AGBL4: variants seen among roughly 807,000 people sequenced by gnomAD.
The protein encoded by AGBL4 is AGBL carboxypeptidase 4.
AGBL4 carries 58 observed loss-of-function variants against 66.4 expected under a neutral mutation model. The observed-to-expected ratio is 0.87, with a 90% CI of 0.71 to 1.09. AGBL4 has a LOEUF of 1.09. Ranked by LOEUF, AGBL4 falls within the 50% of genes least tolerant of loss-of-function variation. The pLI, the probability that AGBL4 is intolerant of heterozygous loss-of-function variation, is 0.00. For synonymous variants in AGBL4, 234 were observed against 222.9 expected, an observed-to-expected ratio of 1.05 and a Z score of -0.44; for missense variants, 579 against 631.0, an observed-to-expected ratio of 0.92 and a Z score of 0.88.
At chr1:48,840,377 C>G (rs1558032039) in intron 6 of AGBL4, among the ~76,000 whole-genome samples, 1 of 152,074 alleles carries the variant, frequency 6.6e-6, no homozygotes, top group Non-Finnish European at 1.5e-5. Flanking sequence ...ATTCTCCTGG[C>G]CTCAGTTTTC....
At chr1:49,456,162 T>C (rs1375411035) in intron 3 of AGBL4, among the ~76,000 whole-genome samples, 1 of 151,710 alleles carries the variant, frequency 6.6e-6, no homozygotes, top group East Asian at 1.9e-4. Flanking sequence ...AAGTCTTTAA[T>C]TTGGAAGTCA....
chr1:49,134,975 T>C (rs902674683), intron 4 of AGBL4, among the ~76,000 whole-genome samples: 9 of 151,978 alleles, frequency 5.9e-5, no homozygotes, highest in African/African-American at 1.9e-4. Context: ...TGCATACATA[T>C]ATACATATGA....
chr1:49,567,019 C>T (rs1416454767), intron 3 of AGBL4, among the ~76,000 whole-genome samples: 3 of 152,224 alleles, frequency 2.0e-5, no homozygotes, highest in Admixed American at 1.3e-4. Flanking sequence ...CCTCCCCCAG[C>T]CTCACTGCCA....
At chr1:48,612,312 C>T (rs1645251027) in intron 9 of AGBL4, among the ~76,000 whole-genome samples, 1 of 152,182 alleles carries the variant, frequency 6.6e-6, no homozygotes, top group African/African-American at 2.4e-5. Context: ...AGGATACAGG[C>T]AGAAATCAAA....
intron 6 of AGBL4, among the ~76,000 whole-genome samples, chr1:48,741,424 T>A (rs921849012): frequency 6.6e-6 from 1 of 152,162 alleles, no homozygotes; most frequent in Non-Finnish European, 1.5e-5. Flanking sequence ...ACTTCCAACT[T>A]GTCATGCCAC....
chr1:48,851,832 T>C (rs1173600756), intron 6 of AGBL4, among the ~76,000 whole-genome samples: 2 of 151,866 alleles, frequency 1.3e-5, no homozygotes, highest in African/African-American at 4.8e-5. Context: ...CAGGAGGAAA[T>C]TGCATGGCAA....
chr1:49,783,676 T>C (rs1285745330), intron 2 of AGBL4, among the ~76,000 whole-genome samples: 1 of 151,926 alleles, frequency 6.6e-6, no homozygotes, highest in Admixed American at 6.6e-5. Context: ...AATAAAGAAA[T>C]AAAAGGCATT....
intron 3 of AGBL4, among the ~76,000 whole-genome samples, chr1:49,479,605 C>T (rs1317906721): frequency 1.3e-5 from 2 of 151,914 alleles, no homozygotes; most frequent in Admixed American, 1.3e-4. Flanking sequence ...CGGTGTCCAG[C>T]CCCATCCATG....
rs527902533 is a variant in AGBL4 at position 49,573,200 on chromosome 1, T to A, written c.282+124113A>T. Among the ~76,000 whole-genome samples the A allele has an allele frequency of 5.5e-5, 8 of 146,088 alleles. No homozygotes were observed. In the South Asian group the frequency reaches 1.8e-3, roughly 33 times the overall value. On this transcript the variant is annotated intron_variant, in intron 3 of 13. Coordinates refer to ENST00000371839, the MANE Select transcript of AGBL4 (RefSeq NM_032785.4). ...TGTGTGTGTGTGTGTATACTTTTAG[T>A]TCTATCCCTCTAGACAACCCTGACT...
chr1:48,590,202 C>T (rs1002891251), intron 10 of AGBL4, among the ~76,000 whole-genome samples: 3 of 151,942 alleles, frequency 2.0e-5, no homozygotes, highest in South Asian at 2.1e-4. Context: ...GTTGGGAGTT[C>T]GAGAGCAGCC....
At chr1:49,603,895 C>T (rs566074061) in intron 3 of AGBL4, among the ~76,000 whole-genome samples, 2 of 146,150 alleles carry the variant, frequency 1.4e-5, no homozygotes, top group South Asian at 4.5e-4. Flanking sequence ...AGACATTTTC[C>T]ATTTTTTCTA....
At chr1:49,685,012 G>T (rs1040920584) in intron 3 of AGBL4, among the ~76,000 whole-genome samples, 2 of 152,104 alleles carry the variant, frequency 1.3e-5, no homozygotes, top group Non-Finnish European at 1.5e-5. Context: ...CAGGTAAGTA[G>T]TAATCATACT....
chr1:49,024,964 G>T (rs1261484954), intron 5 of AGBL4, among the ~76,000 whole-genome samples: 1 of 152,058 alleles, frequency 6.6e-6, no homozygotes. Context: ...TAACTAATAG[G>T]GGGTTTCTCT....
At chr1:49,260,439 G>C (rs931040700) in intron 3 of AGBL4, among the ~76,000 whole-genome samples, 1 of 151,518 alleles carries the variant, frequency 6.6e-6, no homozygotes, top group Non-Finnish European at 1.5e-5. Flanking sequence ...AAAGAGAGAA[G>C]AATCAAATAG....
intron 1 of AGBL4, among the ~76,000 whole-genome samples, chr1:49,937,971 C>A (rs879407079): frequency 5.9e-5 from 9 of 151,842 alleles, no homozygotes; most frequent in Admixed American, 5.2e-4. Context: ...CAAATGCCAG[C>A]AGAAGGCAAG....
intron 3 of AGBL4, among the ~76,000 whole-genome samples, chr1:49,358,938 A>G (rs1029766611): frequency 3.9e-5 from 6 of 152,198 alleles, no homozygotes; most frequent in Non-Finnish European, 8.8e-5. Flanking sequence ...AATAGTCCCC[A>G]TATTATAGTT....
At chr1:49,302,922 T>G (rs1644781674) in intron 3 of AGBL4, among the ~76,000 whole-genome samples, 1 of 152,080 alleles carries the variant, frequency 6.6e-6, no homozygotes, top group Non-Finnish European at 1.5e-5. Context: ...GTGTTTGGTT[T>G]TCCGTTCCTG....
chr1:49,009,793 A>G (rs1263185177), intron 5 of AGBL4, among the ~76,000 whole-genome samples: 2 of 152,068 alleles, frequency 1.3e-5, no homozygotes, highest in African/African-American at 2.4e-5. Context: ...GATTATCTCA[A>G]TAGATGCAGA....
chr1:48,585,316 G>C (rs1052789485), intron 11 of AGBL4: 1 of 152,222 alleles, frequency 6.6e-6, no homozygotes, highest in Non-Finnish European at 1.5e-5. Flanking sequence ...AAGGGTTGCA[G>C]AATCCCCTTT....
Sources: gnomAD v4.1 joint callset for allele counts (sites outside exome capture counted in the v4.1 genomes callset) on GRCh38, gnomAD v4.1.1 for gene constraint, MANE v1.5 for transcripts, NCBI Gene and HGNC (gene_info 2026-07-23, HGNC 2026-07-21) for gene names.